Variants in INTS9 observed in about 807,000 individuals in gnomAD.
INTS9 encodes protein related to CPSF subunits of 74 kDa.
A neutral mutation model predicts 79.7 loss-of-function variants in INTS9; 55 were observed. The observed-to-expected ratio is 0.69, with a 90% CI of 0.56 to 0.86. INTS9 has a LOEUF of 0.86. Ranked by LOEUF, INTS9 falls within the 40% of genes least tolerant of loss-of-function variation. INTS9 has a pLI of 0.00. For missense variants in INTS9, 721 were observed against 831.5 expected (o/e 0.87, Z 1.64); for synonymous variants, 319 against 325.2 (o/e 0.98, Z 0.20).
rs578035293 is a variant in INTS9, at chr8:28,809,024, AC to A, written c.744+3302del. ...GAGTACAATGGCACAAACATGGCTC[AC>A]TGCAGCCTCAACCTCCCAGGCTGAA... On this transcript the variant is annotated intron_variant, in intron 8 of 16. Coordinates refer to ENST00000521022, the MANE Select transcript of INTS9 (RefSeq NM_018250.4). Among the ~76,000 whole-genome samples, 19 of 151,602 alleles carry A rather than the reference AC, an allele frequency of 1.3e-4. No homozygotes were observed. The East Asian group carries it at 3.7e-3, about 29-fold the overall frequency.
chr8:28,799,553 C>T (rs1177001836), intron 8 of INTS9: 1 of 152,168 alleles, frequency 6.6e-6, no homozygotes, highest in Non-Finnish European at 1.5e-5. Flanking sequence ...TGTGATGAAG[C>T]AGGCTTAAAA....
At chr8:28,790,811 C>T (rs1043341187) in intron 10 of INTS9, among the ~76,000 whole-genome samples, 6 of 152,190 alleles carry the variant, frequency 3.9e-5, no homozygotes, top group African/African-American at 9.7e-5. Context: ...ACTACCTCAA[C>T]GCTGAGGACA....
In INTS9 at chr8:28,769,893, T is replaced by C; in HGVS notation, c.1796A>G (p.Glu599Gly). 2 of 1,614,036 alleles carry C rather than the reference T, an allele frequency of 1.2e-6. No individual in the cohort carries two copies. The highest frequency in any genetic ancestry group is 1.7e-6 in the Non-Finnish European group (2 of 1,179,964). ...IPVEQFVQTL[E>G]KHGFSDIKVE... ...GCACCAGCGAAACCAGCTCACCTTC[T>C]CCAGGGTCTGCACGAACTGCTCCAC... Residue 599 changes from glutamate (E) to glycine (G), a missense_variant, in exon 16 of 17, where the codon GAG becomes GGG. This residue lies in a region of INTS9 where 281 missense variants were observed against 300.8 expected (regional missense o/e 0.93). Transcript: ENST00000521022.
chr8:28,774,219 C>G (rs1802737570), intron 14 of INTS9, among the ~76,000 whole-genome samples: 1 of 152,212 alleles, frequency 6.6e-6, no homozygotes, highest in Non-Finnish European at 1.5e-5. Context: ...AAGGCAAATA[C>G]ATCAAAATCT....
intron 14 of INTS9, 131 bp from the exon 15 acceptor site, chr8:28,771,211 TG>T: frequency 1.4e-6 from 1 of 727,260 alleles, no homozygotes; most frequent in Non-Finnish European, 2.4e-6. Flanking sequence ...TTTTTTTTTT[TG>T]AGATGGAGTC....
At chr8:28,781,311 A>C (rs2130897030) in intron 11 of INTS9, among the ~76,000 whole-genome samples, 1 of 152,320 alleles carries the variant, frequency 6.6e-6, no homozygotes, top group Non-Finnish European at 1.5e-5. Flanking sequence ...TCATTAGGAA[A>C]CTGCAAATTA....
intron 1 of INTS9, among the ~76,000 whole-genome samples, chr8:28,881,476 A>T (rs1181157193): frequency 3.6e-4 from 13 of 35,938 alleles, no homozygotes; most frequent in East Asian, 2.3e-3. Flanking sequence ...GGGAGGGGGG[A>T]GGGGGGGGTC....
intron 6 of INTS9, among the ~76,000 whole-genome samples, chr8:28,821,187 G>A (rs773603933): frequency 1.3e-4 from 19 of 151,978 alleles, no homozygotes; most frequent in Non-Finnish European, 2.1e-4. Context: ...CAATTAGTCC[G>A]TTTTCACACT....
chr8:28,821,440 C>T (rs1585413898), intron 6 of INTS9, among the ~76,000 whole-genome samples: 1 of 152,290 alleles, frequency 6.6e-6, no homozygotes, highest in East Asian at 1.9e-4. Context: ...TCCATTATCT[C>T]CCCCTGGGTC....
intron 6 of INTS9, among the ~76,000 whole-genome samples, chr8:28,831,637 G>A (rs114085372): frequency 0.017 from 2,648 of 152,280 alleles, 72 homozygotes; most frequent in African/African-American, 0.06. Context: ...AAGGTCACAA[G>A]AGAAAAGGTG....
At chr8:28,843,757 CT>C (rs1188210086) in intron 4 of INTS9, among the ~76,000 whole-genome samples, 1 of 149,554 alleles carries the variant, frequency 6.7e-6, no homozygotes, top group African/African-American at 2.5e-5. Context: ...AACAATGGTC[CT>C]TTTTTTACAA....
chr8:28,858,572 A>G (rs1023655376), intron 2 of INTS9, among the ~76,000 whole-genome samples: 1 of 152,226 alleles, frequency 6.6e-6, no homozygotes, highest in Non-Finnish European at 1.5e-5. Flanking sequence ...GTAATCTGGA[A>G]TTATCTCTGA....
chr8:28,872,665 T>G (rs1308219479), intron 1 of INTS9, among the ~76,000 whole-genome samples: 1 of 152,174 alleles, frequency 6.6e-6, no homozygotes, highest in East Asian at 1.9e-4. Flanking sequence ...TGGCCTGAGC[T>G]GGTAGTCATA....
intron 2 of INTS9, among the ~76,000 whole-genome samples, chr8:28,856,442 G>GTCTCTCTC (rs142538325): frequency 6.6e-6 from 1 of 150,898 alleles, no homozygotes; most frequent in African/African-American, 2.4e-5. Context: ...TTGAGACACG[G>GTCTCTCTC]TCTCTCTCTC....
At chr8:28,853,940 C>T (rs970763387) in intron 2 of INTS9, among the ~76,000 whole-genome samples, 5 of 152,064 alleles carry the variant, frequency 3.3e-5, no homozygotes, top group African/African-American at 9.7e-5. Context: ...AGGATGGTCT[C>T]GATCTCCTGA....
At chr8:28,867,487 G>C (rs1315155365) in intron 1 of INTS9, among the ~76,000 whole-genome samples, 1 of 147,456 alleles carries the variant, frequency 6.8e-6, no homozygotes, top group Non-Finnish European at 1.5e-5. Context: ...TGAGACAGGA[G>C]AATCACTTGA....
intron 1 of INTS9, among the ~76,000 whole-genome samples, chr8:28,888,119 C>G (rs1171764325): frequency 1.3e-5 from 2 of 152,228 alleles, no homozygotes; most frequent in African/African-American, 4.8e-5. Context: ...TGACCTCTTT[C>G]ATGGAAGGCC....
At chr8:28,883,482 A>G (rs1810005880) in intron 1 of INTS9, among the ~76,000 whole-genome samples, 1 of 152,212 alleles carries the variant, frequency 6.6e-6, no homozygotes, top group Non-Finnish European at 1.5e-5. Context: ...CATCATTGGC[A>G]AGGGTGGGGA....
chr8:28,829,759 G>A (rs540741009), intron 6 of INTS9, among the ~76,000 whole-genome samples: 19 of 152,296 alleles, frequency 1.2e-4, no homozygotes, highest in African/African-American at 4.6e-4. Flanking sequence ...GATCATACGG[G>A]ATTTGATTCT....
Sources: allele counts gnomAD v4.1 joint callset (sites outside exome capture counted in the v4.1 genomes callset), GRCh38; gene constraint gnomAD v4.1.1; regional missense constraint gnomAD v4.1.1; transcripts MANE v1.5; gene names NCBI Gene and HGNC (gene_info 2026-07-23, HGNC 2026-07-21).